NR6A1: variants seen among roughly 807,000 people sequenced by gnomAD.
NR6A1 encodes the protein nuclear receptor subfamily 6 group A member 1.
In NR6A1, 7 loss-of-function variants were observed where a neutral mutation model predicts 59.1. The ratio of observed to expected loss-of-function variants is 0.12; its 90% CI spans 0.07 to 0.22. NR6A1 has a LOEUF of 0.22. NR6A1 is among the 10% of genes least tolerant of loss of function. NR6A1 has a pLI of 1.00. For synonymous variants in NR6A1, 243 were observed against 236.1 expected, an observed-to-expected ratio of 1.03 and a Z score of -0.27; for missense variants, 468 against 611.6, an observed-to-expected ratio of 0.77 and a Z score of 2.48.
intron 4 of NR6A1, among the ~76,000 whole-genome samples, chr9:124,543,026 G>T (rs1255995068): frequency 6.6e-6 from 1 of 152,184 alleles, no homozygotes; most frequent in East Asian, 1.9e-4. Context: ...TTTTCCTAAG[G>T]AGCTGTAGTC....
chr9:124,536,187 G>A, intron 6 of NR6A1, 55 bp from the exon 7 acceptor site: 1 of 1,572,684 alleles, frequency 6.4e-7, no homozygotes, highest in Non-Finnish European at 8.6e-7. Flanking sequence ...GTGAGGATAA[G>A]GGTACAGAGA....
intron 2 of NR6A1, among the ~76,000 whole-genome samples, chr9:124,614,553 G>A (rs1193384460): frequency 6.6e-6 from 1 of 152,174 alleles, no homozygotes; most frequent in East Asian, 1.9e-4. Flanking sequence ...TGGCAGGTTT[G>A]TGGCATGAGA....
chr9:124,690,983 T>G (rs935839054), intron 2 of NR6A1, among the ~76,000 whole-genome samples: 2 of 152,362 alleles, frequency 1.3e-5, no homozygotes, highest in African/African-American at 4.8e-5. Flanking sequence ...GCTATGAATT[T>G]AAGGAATAAT....
At chr9:124,525,946 C>T (rs190527824) in intron 8 of NR6A1, among the ~76,000 whole-genome samples, 2 of 152,116 alleles carry the variant, frequency 1.3e-5, no homozygotes, top group Admixed American at 6.5e-5. Flanking sequence ...CAGGGCTTGG[C>T]CAAAGGGAAG....
In NR6A1 at chr9:124,748,921, A is replaced by G. The variant is rs564597580; in HGVS notation, c.101-15572T>C. ...GTTGTAAGTATTAAATGAAATAAAT[A>G]TAAGTACTCAAAACAGTACCTAGCA... On this transcript the variant is annotated intron_variant, in intron 1 of 9. Transcript: ENST00000487099. 3.9e-5 allele frequency among the ~76,000 whole-genome samples: 6 copies of G among 152,052 alleles called. 1 individual carries two copies. Among genetic ancestry groups the G allele is most frequent in the South Asian group, 2.1e-4 (1 of 4,824 alleles).
intron 9 of NR6A1, 36 bp from the exon 10 acceptor site, chr9:124,522,829 G>A (rs1194542424): frequency 3.3e-6 from 5 of 1,511,262 alleles, no homozygotes; most frequent in Admixed American, 3.9e-5. Flanking sequence ...GTTAGCAGTG[G>A]TCACTCTAGT....
rs149182602 is a variant in NR6A1, at chr9:124,766,621, T to A, written c.100+4399A>T. Among the ~76,000 whole-genome samples, 1,160 of 152,292 alleles carry A rather than the reference T, an allele frequency of 7.6e-3. 59 individuals are homozygous for A. Among genetic ancestry groups the A allele is most frequent in the Admixed American group, 0.069 (1,054 of 15,300 alleles). Reference sequence around the variant, plus strand: ...AATGTAAAATTTACTCTAAAACACATCTTCTCAAGTGTCACTTTCAACTTA... The same window carrying A: ...AATGTAAAATTTACTCTAAAACACAACTTCTCAAGTGTCACTTTCAACTTA... On this transcript the variant is annotated intron_variant, in intron 1 of 9. Coordinates refer to ENST00000487099, the MANE Select transcript of NR6A1 (RefSeq NM_033334.4).
intron 2 of NR6A1, among the ~76,000 whole-genome samples, chr9:124,628,395 G>A (rs1434040295): frequency 6.6e-6 from 1 of 151,690 alleles, no homozygotes; most frequent in African/African-American, 2.4e-5. Flanking sequence ...CCAGGCTGCA[G>A]TGCAGTGGCA....
chr9:124,742,917 G>C (rs767784624), intron 1 of NR6A1, among the ~76,000 whole-genome samples: 2 of 152,172 alleles, frequency 1.3e-5, no homozygotes, highest in Admixed American at 6.5e-5. Flanking sequence ...AAAGAGCTTT[G>C]TTGAGGCAGC....
intron 1 of NR6A1, among the ~76,000 whole-genome samples, chr9:124,739,142 C>G (rs1214887210): frequency 2.0e-5 from 3 of 149,104 alleles, no homozygotes; most frequent in Non-Finnish European, 4.4e-5. Context: ...GAGCCCAGAT[C>G]ACATCACTGC....
intron 2 of NR6A1, among the ~76,000 whole-genome samples, chr9:124,691,975 T>A (rs1210373530): frequency 2.0e-5 from 3 of 152,232 alleles, no homozygotes; most frequent in African/African-American, 4.8e-5. Context: ...AGCAGTATGA[T>A]GAGTGAGCAC....
At chr9:124,697,316 A>G (rs1330846247) in intron 2 of NR6A1, among the ~76,000 whole-genome samples, 1 of 152,202 alleles carries the variant, frequency 6.6e-6, no homozygotes, top group Non-Finnish European at 1.5e-5. Flanking sequence ...GGAAGAAACA[A>G]AAGTATATAA....
At chr9:124,539,254 T>C (rs1418897451) in intron 5 of NR6A1, among the ~76,000 whole-genome samples, 1 of 152,154 alleles carries the variant, frequency 6.6e-6, no homozygotes, top group Non-Finnish European at 1.5e-5. Flanking sequence ...ATGTATCTCC[T>C]ATAACTGGGG....
intron 3 of NR6A1, 57 bp from the exon 4 acceptor site, chr9:124,543,914 G>T: frequency 6.7e-7 from 1 of 1,485,030 alleles, no homozygotes; most frequent in Non-Finnish European, 9.4e-7. Flanking sequence ...ATAAGTCTTA[G>T]CACAAAAAGA....
intron 2 of NR6A1, among the ~76,000 whole-genome samples, chr9:124,675,962 G>A (rs1361475109): frequency 2.6e-5 from 4 of 152,170 alleles, no homozygotes; most frequent in Non-Finnish European, 2.9e-5. Context: ...AAGAGTCCAA[G>A]ACTTGGCAAA....
At chr9:124,531,639 C>A (rs1253577756) in intron 7 of NR6A1, among the ~76,000 whole-genome samples, 1 of 152,146 alleles carries the variant, frequency 6.6e-6, no homozygotes, top group Non-Finnish European at 1.5e-5. Context: ...ACCTCCTAGG[C>A]AGTCCTACAT....
chr9:124,676,338 C>T (rs912522031), intron 2 of NR6A1, among the ~76,000 whole-genome samples: 19 of 152,104 alleles, frequency 1.2e-4, no homozygotes, highest in Admixed American at 1.2e-3. Context: ...GGCAGCTGCA[C>T]TATGTACTCT....
In NR6A1 at chr9:124,673,403, C is replaced by T. The variant is rs191997493; in HGVS notation, c.142+59905G>A. 6.0e-3 allele frequency among the ~76,000 whole-genome samples: 919 copies of T among 152,220 alleles called. 13 individuals carry two copies. The highest frequency in any genetic ancestry group is 0.026 in the East Asian group (134 of 5,184). On this transcript the variant is annotated intron_variant, in intron 2 of 9. Coordinates refer to ENST00000487099, the MANE Select transcript of NR6A1 (RefSeq NM_033334.4). Reference sequence around the variant, plus strand: ...AATTTAAAAGACAAAAAAACTTCAACACAATACCGCCATATCTCAGGTGGT... The same window carrying T: ...AATTTAAAAGACAAAAAAACTTCAATACAATACCGCCATATCTCAGGTGGT...
intron 1 of NR6A1, among the ~76,000 whole-genome samples, chr9:124,742,748 C>T (rs1034223697): frequency 1.1e-4 from 16 of 149,804 alleles, no homozygotes; most frequent in Admixed American, 8.7e-4. Context: ...TGGTGGTACG[C>T]GCCTGTAGTC....
Sources: gnomAD v4.1 joint callset for allele counts (sites outside exome capture counted in the v4.1 genomes callset) on GRCh38, gnomAD v4.1.1 for gene constraint, MANE v1.5 for transcripts, NCBI Gene and HGNC (gene_info 2026-07-23, HGNC 2026-07-21) for gene names.